The following ADAP1 variants were observed in gnomAD, a reference collection of about 807,000 sequenced individuals.
The protein encoded by ADAP1 is arf-GAP with dual PH domain-containing protein 1.
A neutral mutation model predicts 54.9 loss-of-function variants in ADAP1; 31 were observed. The ratio of observed to expected loss-of-function variants is 0.56; its 90% CI spans 0.42 to 0.76. The LOEUF (loss-of-function observed/expected upper bound fraction) is 0.76. Among genes scored for constraint, ADAP1 ranks in the 30% least tolerant of loss-of-function variants. ADAP1 has a pLI of 0.00. For missense variants in ADAP1, 535 were observed against 512.4 expected (o/e 1.04, Z -0.42); for synonymous variants, 313 against 202.6 (o/e 1.55, Z -4.63).
chr7:900,624 C>T lies in ADAP1; in HGVS notation c.649-8G>A. 6.3e-7 allele frequency: 1 copy of T among 1,599,102 alleles called. No individual in the cohort carries two copies. The highest frequency in any genetic ancestry group is 8.5e-7 in the Non-Finnish European group (1 of 1,173,946). ...GAACCAGTCCACAATCTCCTAGGGG[C>T]AAAGGTGGGCACAGGCTTGGGCTGA... On this transcript the variant is annotated splice_polypyrimidine_tract_variant and splice_region_variant and intron_variant, in intron 6 of 10. Transcript: ENST00000265846.
Position 898,941 on chromosome 7 carries a change from G to A in ADAP1, c.1105C>T (p.His369Tyr), listed in dbSNP as rs1438002029. The A allele has an allele frequency of 6.2e-7, 1 of 1,610,202 alleles. No individual in the cohort carries two copies. The highest frequency in any genetic ancestry group is 2.2e-5 in the East Asian group (1 of 44,716). ...MLPQEYAVEA[H>Y]FKHKP Reference sequence around the variant, plus strand: ...ACTCGCTAAGGTTTATGCTTGAAGTGCGCCTCCACTGCAACGGAACAGGGT... The same window carrying A: ...ACTCGCTAAGGTTTATGCTTGAAGTACGCCTCCACTGCAACGGAACAGGGT... Residue 369 changes from histidine (H) to tyrosine (Y), a missense_variant, in exon 11 of 11, where the codon CAC becomes TAC. His to Tyr is a moderately conservative substitution (Grantham distance 83, BLOSUM62 2). Coordinates refer to ENST00000265846, the MANE Select transcript of ADAP1 (RefSeq NM_006869.4).
rs1319669658 is a variant in ADAP1, at chr7:930,449, G to A, written c.214-3805C>T. Among the ~76,000 whole-genome samples, 9 of 146,590 alleles carry A rather than the reference G, an allele frequency of 6.1e-5. No homozygotes were observed. In the South Asian group the frequency reaches 9.1e-4, roughly 15 times the overall value. The stretch of plus-strand genomic sequence containing the variant: ...TCCCAGCACTTTGGGAGGCCAAGGC[G>A]GGCGGATCACGAGGTCAGGAGTTTG... On this transcript the variant is annotated intron_variant, in intron 2 of 10. Coordinates refer to ENST00000265846, the MANE Select transcript of ADAP1 (RefSeq NM_006869.4).
chr7:929,574 T>C (rs577890196), intron 2 of ADAP1, among the ~76,000 whole-genome samples: 53 of 150,434 alleles, frequency 3.5e-4, no homozygotes, highest in Non-Finnish European at 7.4e-4. Context: ...GTTTGAAATG[T>C]TCAGAACAAG....
chr7:950,897 T>C (rs963282714), intron 1 of ADAP1, among the ~76,000 whole-genome samples: 8 of 132,022 alleles, frequency 6.1e-5, no homozygotes, highest in African/African-American at 8.5e-5. Flanking sequence ...GAACAGAAAG[T>C]AGAAGGGTGG....
intron 7 of ADAP1, 52 bp downstream of exon 7, chr7:900,481 C>G: frequency 7.2e-7 from 1 of 1,380,320 alleles, no homozygotes; most frequent in Non-Finnish European, 1.0e-6. Context: ...CGTCCACCCC[C>G]CACCCCACCA....
chr7:919,756 TGGGGGGGAA>T (rs1194515822), intron 4 of ADAP1, among the ~76,000 whole-genome samples: 4 of 8,304 alleles, frequency 4.8e-4, no homozygotes, highest in African/African-American at 8.4e-4. Context: ...GGGAGGGAGA[TGGGGGGGAA>T]GGGGGGAGAG....
intron 4 of ADAP1, among the ~76,000 whole-genome samples, chr7:915,929 C>T (rs1322898350): frequency 2.0e-5 from 3 of 146,754 alleles, no homozygotes; most frequent in African/African-American, 7.4e-5. Context: ...CCACTTTCCA[C>T]GAGATGCCGT....
At chr7:955,159 T>G, upstream of ADAP1, 57 of 744,276 alleles carry the variant, frequency 7.7e-5, no homozygotes, top group Non-Finnish European at 1.2e-4. Context: ...AGCCTCCCCC[T>G]GAGACCCACC....
intron 1 of ADAP1, among the ~76,000 whole-genome samples, chr7:936,552 C>T (rs1454818911): frequency 2.0e-5 from 3 of 152,206 alleles, no homozygotes; most frequent in African/African-American, 7.2e-5. Context: ...TCTGAAACGG[C>T]AAAATGTGGG....
rs191919409 is a variant in ADAP1 at position 898,165 on chromosome 7, C to A, written c.*756G>T. On this transcript the variant is annotated 3_prime_UTR_variant, in exon 11 of 11. Transcript: ENST00000265846. ...GTGAAAAATAAATACACGGCTGGGC[C>A]GCCTGCAGCAAGCGCGACAGTGCCC... The A allele has an allele frequency of 6.6e-6, 1 of 152,380 alleles. No individual in the cohort carries two copies. Among genetic ancestry groups the A allele is most frequent in the African/African-American group, 2.4e-5 (1 of 41,450 alleles). The allele number at this position is 152,380 out of a possible 1,614,324, so 9.4% of individuals were successfully genotyped here.
chr7:905,375 A>T, intron 4 of ADAP1: 1 of 158,620 alleles, frequency 6.3e-6, no homozygotes, highest in Non-Finnish European at 1.1e-5. Context: ...GGAAAGGGAA[A>T]GGAGAAAGGA....
chr7:906,655 GGGGGC>G lies in ADAP1; in HGVS notation c.389-1488_389-1484del, dbSNP rs1443522551. On this transcript the variant is annotated intron_variant, in intron 4 of 10. Coordinates refer to ENST00000265846, the MANE Select transcript of ADAP1 (RefSeq NM_006869.4). ...AGAAAGGAGAAAGGGAAAGGAGAAA[GGGGGC>G]GGGAAAGGGGACATGGACAGGGGAC... Among the ~76,000 whole-genome samples, 356 of 120,104 alleles carry G rather than the reference GGGGGC, an allele frequency of 3.0e-3. 8 individuals carry two copies. Among genetic ancestry groups the G allele is most frequent in the Middle Eastern group, 7.8e-3 (2 of 256 alleles). 78.8% of individuals were successfully genotyped at this position (120,104 alleles called of 152,430 possible). A position where few individuals can be genotyped will look rare whatever the true frequency, so the allele number is the denominator to read the frequency against.
At chr7:900,681 G>T (rs570915041) in intron 6 of ADAP1, 65 bp from the exon 7 acceptor site, 2 of 1,438,190 alleles carry the variant, frequency 1.4e-6, no homozygotes, top group East Asian at 4.8e-5. Flanking sequence ...CCCACAGAGG[G>T]GCTGGGGTCC....
chr7:904,994 C>T (rs1455282696), intron 5 of ADAP1, 66 bp downstream of exon 5: 1 of 1,410,110 alleles, frequency 7.1e-7, no homozygotes, highest in Admixed American at 1.7e-5. Flanking sequence ...CACCACAGGC[C>T]CCAGTGTGGG....
chr7:955,007 G>A (rs369666189), upstream of ADAP1, among the ~76,000 whole-genome samples: 7 of 152,308 alleles, frequency 4.6e-5, no homozygotes, highest in African/African-American at 1.7e-4. Context: ...TGGGCATGGG[G>A]GTGCTCGTGG....
intron 4 of ADAP1, among the ~76,000 whole-genome samples, chr7:915,705 T>A (rs540627996): frequency 1.3e-5 from 2 of 152,056 alleles, no homozygotes; most frequent in Non-Finnish European, 2.9e-5. Context: ...GGATTCCAGT[T>A]GGGCAGCCTC....
chr7:926,731 G>C lies in ADAP1; in HGVS notation c.214-87C>G. Reference sequence around the variant, plus strand: ...AGCTGCCCTTGGGGCCGTCACCACAGTGACCCGCAGACCCAAGGCTCTGAG... The same window carrying C: ...AGCTGCCCTTGGGGCCGTCACCACACTGACCCGCAGACCCAAGGCTCTGAG... On this transcript the variant is annotated intron_variant, in intron 2 of 10. Coordinates refer to ENST00000265846, the MANE Select transcript of ADAP1 (RefSeq NM_006869.4). The surrounding 1 kb of genome is among the most constrained non-coding windows in gnomAD (Gnocchi z 4.6). 1.8e-6 allele frequency: 2 copies of C among 1,104,198 alleles called. No homozygotes were observed. Among genetic ancestry groups the C allele is most frequent in the Non-Finnish European group, 2.5e-6 (2 of 792,822 alleles). 68.4% of individuals were successfully genotyped at this position (1,104,198 alleles called of 1,614,324 possible). A position where few individuals can be genotyped will look rare whatever the true frequency, so the allele number is the denominator to read the frequency against.
In ADAP1 at chr7:930,771, A is replaced by T. The variant is rs553533189; in HGVS notation, c.214-4127T>A. On this transcript the variant is annotated intron_variant, in intron 2 of 10. Coordinates refer to ENST00000265846, the MANE Select transcript of ADAP1 (RefSeq NM_006869.4). Reference sequence around the variant, plus strand: ...GAGGTGGAGGTTGCAGTGAGGTGAGATCACACCACTGTACTCCAGCCTGGG... The same window carrying T: ...GAGGTGGAGGTTGCAGTGAGGTGAGTTCACACCACTGTACTCCAGCCTGGG... 3.7e-4 allele frequency among the ~76,000 whole-genome samples: 56 copies of T among 151,536 alleles called. No individual in the cohort carries two copies. In the Middle Eastern group the frequency reaches 0.017, roughly 46 times the overall value.
At chr7:913,274 C>T (rs1845798820) in intron 4 of ADAP1, among the ~76,000 whole-genome samples, 1 of 149,102 alleles carries the variant, frequency 6.7e-6, no homozygotes, top group Non-Finnish European at 1.5e-5. Flanking sequence ...GATCTCCACT[C>T]ACTGCAAGCT....
Sources: allele counts gnomAD v4.1 joint callset (sites outside exome capture counted in the v4.1 genomes callset), GRCh38; gene constraint gnomAD v4.1.1; non-coding constraint Gnocchi (gnomAD v3.1); transcripts MANE v1.5; gene names NCBI Gene and HGNC (gene_info 2026-07-23, HGNC 2026-07-21).